Variants in CNTLN observed in about 807,000 individuals in gnomAD.
The protein encoded by CNTLN is centlein, centrosomal protein.
In CNTLN, 212 loss-of-function variants were observed where a neutral mutation model predicts 180.0. That is an observed-to-expected ratio of 1.18 (90% CI 1.05 to 1.32). CNTLN has a LOEUF of 1.32. Among genes scored for constraint, CNTLN ranks in the 40% most tolerant of loss-of-function variants. The pLI is 0.00. For missense variants in CNTLN, 2,095 were observed against 1,610.9 expected, an observed-to-expected ratio of 1.30 and a Z score of -5.14; for synonymous variants, 722 against 563.1, an observed-to-expected ratio of 1.28 and a Z score of -3.99.
chr9:17,426,284 A>G (rs1351136898), intron 18 of CNTLN, among the ~76,000 whole-genome samples: 1 of 152,226 alleles, frequency 6.6e-6, no homozygotes. Context: ...TGCCACTCCC[A>G]TCACGGGCCC....
At chr9:17,358,690 A>G (rs1212396599) in intron 12 of CNTLN, among the ~76,000 whole-genome samples, 1 of 152,164 alleles carries the variant, frequency 6.6e-6, no homozygotes, top group Non-Finnish European at 1.5e-5. Flanking sequence ...AGTATGTACT[A>G]AAAAAGTAAT....
At chr9:17,241,690 A>G (rs1415891242) in intron 5 of CNTLN, among the ~76,000 whole-genome samples, 1 of 141,780 alleles carries the variant, frequency 7.1e-6, no homozygotes, top group African/African-American at 2.9e-5. Context: ...TGAGCAAGGT[A>G]TTTCTTTCCA....
chr9:17,167,544 A>G (rs186775665), intron 2 of CNTLN: 25 of 152,354 alleles, frequency 1.6e-4, no homozygotes, highest in Admixed American at 1.4e-3. Flanking sequence ...AAGGCAGAAT[A>G]TACCAAAGGT....
At chr9:17,300,303 C>T (rs796504619) in intron 7 of CNTLN, 4 of 152,150 alleles carry the variant, frequency 2.6e-5, no homozygotes, top group African/African-American at 9.6e-5. Context: ...TATGCTCTAC[C>T]TGTGTCTATA....
intron 2 of CNTLN, among the ~76,000 whole-genome samples, chr9:17,185,244 T>TA (rs1230327107): frequency 7.9e-5 from 12 of 152,342 alleles, no homozygotes; most frequent in Non-Finnish European, 1.6e-4. Context: ...TTATCAATTT[T>TA]ATTGCAATAG....
intron 2 of CNTLN, among the ~76,000 whole-genome samples, chr9:17,191,447 G>T (rs1821783117): frequency 6.6e-6 from 1 of 152,174 alleles, no homozygotes; most frequent in African/African-American, 2.4e-5. Flanking sequence ...GTCTGCTACA[G>T]CACCCCTGGG....
intron 13 of CNTLN, among the ~76,000 whole-genome samples, chr9:17,381,846 A>G (rs1419024630): frequency 2.0e-5 from 3 of 152,176 alleles, no homozygotes; most frequent in Non-Finnish European, 4.4e-5. Context: ...CCCAGGCTGA[A>G]GGGGCAGTGA....
At chr9:17,137,023 G>C (rs1174475553) in intron 1 of CNTLN, among the ~76,000 whole-genome samples, 1 of 152,064 alleles carries the variant, frequency 6.6e-6, no homozygotes, top group East Asian at 1.9e-4. Flanking sequence ...TTTTATGACC[G>C]ACTTGGTTAA....
At chr9:17,447,435 C>G (rs868649742) in intron 18 of CNTLN, 33 of 165,264 alleles carry the variant, frequency 2.0e-4, no homozygotes, top group African/African-American at 7.7e-4. Context: ...TACACAGTTG[C>G]GGTCCGCTGG....
chr9:17,196,153 A>G (rs1822115848), intron 2 of CNTLN, among the ~76,000 whole-genome samples: 1 of 152,022 alleles, frequency 6.6e-6, no homozygotes, highest in African/African-American at 2.4e-5. Context: ...CCTCCTAATT[A>G]GCTGGGATTA....
intron 5 of CNTLN, among the ~76,000 whole-genome samples, chr9:17,263,975 T>G (rs917708555): frequency 6.9e-5 from 10 of 145,034 alleles, no homozygotes; most frequent in South Asian, 2.4e-4. Context: ...TGCGAAAATT[T>G]TCTCCCATTT....
chr9:17,274,328 G>A (rs1407599472), intron 6 of CNTLN, among the ~76,000 whole-genome samples: 1 of 148,604 alleles, frequency 6.7e-6, no homozygotes, highest in Admixed American at 6.6e-5. Context: ...AAGGAAGCAC[G>A]ATACTCTTGT....
chr9:17,456,195 A>C (rs1485080458), intron 18 of CNTLN, among the ~76,000 whole-genome samples: 3 of 152,156 alleles, frequency 2.0e-5, no homozygotes, highest in Admixed American at 2.0e-4. Context: ...TCAAGGTTGA[A>C]TATTAGCCAG....
chr9:17,248,459 G>A (rs895005499), intron 5 of CNTLN, among the ~76,000 whole-genome samples: 1 of 150,910 alleles, frequency 6.6e-6, no homozygotes, highest in African/African-American at 2.4e-5. Flanking sequence ...GGTAATCCAG[G>A]TGTTTCTAGC....
intron 25 of CNTLN, among the ~76,000 whole-genome samples, chr9:17,492,322 C>G (rs1299236751): frequency 6.6e-6 from 1 of 151,714 alleles, no homozygotes. Context: ...TTTACCTCCT[C>G]TAATATATAT....
rs1724514799 is a variant in CNTLN at position 17,395,201 on chromosome 9, CT to C, written c.2615+134del. On this transcript the variant is annotated intron_variant, in intron 15 of 25. Coordinates refer to ENST00000380647, the MANE Select transcript of CNTLN (RefSeq NM_017738.4). Reference sequence around the variant, plus strand: ...AATACTGTCAGATCCTTTGAAATATCTTGGGAGGTCTTGTTCTGAGCTTATT... The same window carrying C: ...AATACTGTCAGATCCTTTGAAATATCTGGGAGGTCTTGTTCTGAGCTTATT... The C allele has an allele frequency of 3.8e-6, 5 of 1,325,830 alleles. No individual in the cohort carries two copies. In the East Asian group the frequency reaches 1.3e-4, roughly 33 times the overall value. 82.1% of individuals were successfully genotyped at this position (1,325,830 alleles called of 1,614,324 possible).
intron 14 of CNTLN, among the ~76,000 whole-genome samples, chr9:17,389,597 A>G (rs1402232906): frequency 6.6e-6 from 1 of 152,116 alleles, no homozygotes; most frequent in Non-Finnish European, 1.5e-5. Flanking sequence ...ATATTTACCT[A>G]ATGTAGTTTT....
chr9:17,299,621 T>C (rs1818208669), intron 7 of CNTLN: 1 of 985,208 alleles, frequency 1.0e-6, no homozygotes, highest in African/African-American at 1.7e-5. Context: ...AGCAGGAAGA[T>C]ACAGTCTTCC....
chr9:17,176,068 CT>C (rs1336696877), intron 2 of CNTLN, among the ~76,000 whole-genome samples: 1 of 151,564 alleles, frequency 6.6e-6, no homozygotes, highest in Non-Finnish European at 1.5e-5. Flanking sequence ...TTATTTCTTC[CT>C]TTCTGATATG....
Sources: allele counts gnomAD v4.1 joint callset (sites outside exome capture counted in the v4.1 genomes callset), GRCh38; gene constraint gnomAD v4.1.1; transcripts MANE v1.5; gene names NCBI Gene and HGNC (gene_info 2026-07-23, HGNC 2026-07-21).